TFDP2: variants seen among roughly 807,000 people sequenced by gnomAD.
TFDP2 encodes the protein transcription factor Dp-2 (E2F dimerization partner 2).
TFDP2 carries 17 observed loss-of-function variants against 59.3 expected under a neutral mutation model. The observed-to-expected ratio is 0.29, with a 90% CI of 0.20 to 0.43. TFDP2 has a LOEUF of 0.43. Ranked by LOEUF, TFDP2 falls within the 20% of genes least tolerant of loss-of-function variation. TFDP2 has a pLI of 1.00. For synonymous variants in TFDP2, 180 were observed against 194.7 expected, an observed-to-expected ratio of 0.92 and a Z score of 0.63; for missense variants, 391 against 528.8, an observed-to-expected ratio of 0.74 and a Z score of 2.56.
At chr3:142,066,192 G>A (rs1298870959) in intron 3 of TFDP2, among the ~76,000 whole-genome samples, 1 of 152,148 alleles carries the variant, frequency 6.6e-6, no homozygotes, top group Non-Finnish European at 1.5e-5. Context: ...TGCTCCTAAT[G>A]CTTTGCCCAC....
At chr3:142,111,380 A>C (rs901475900) in intron 1 of TFDP2, among the ~76,000 whole-genome samples, 1 of 147,528 alleles carries the variant, frequency 6.8e-6, no homozygotes, top group African/African-American at 2.5e-5. Flanking sequence ...GTTAGCTGAG[A>C]TCGTGCCACT....
chr3:142,026,960 G>A (rs974561933), intron 3 of TFDP2, among the ~76,000 whole-genome samples: 6 of 152,122 alleles, frequency 3.9e-5, no homozygotes, highest in African/African-American at 1.4e-4. Context: ...AAAGGTCTTA[G>A]GAATAAGCCT....
chr3:142,136,122 G>A (rs575485525), intron 1 of TFDP2, among the ~76,000 whole-genome samples: 214 of 152,162 alleles, frequency 1.4e-3, no homozygotes, highest in Admixed American at 5.2e-3. Context: ...GTATCTCATT[G>A]TGGTTTTGAT....
chr3:141,981,327 T>TTGG (rs1406754971), intron 6 of TFDP2, among the ~76,000 whole-genome samples: 1 of 152,164 alleles, frequency 6.6e-6, no homozygotes, highest in Non-Finnish European at 1.5e-5. Context: ...CACCCTGGGT[T>TTGG]TGGGTAAGTA....
At chr3:142,069,934 C>G (rs1197196441) in intron 3 of TFDP2, among the ~76,000 whole-genome samples, 1 of 151,310 alleles carries the variant, frequency 6.6e-6, no homozygotes, top group Non-Finnish European at 1.5e-5. Flanking sequence ...GAGATGGAGT[C>G]TTGCTCTGTT....
intron 3 of TFDP2, among the ~76,000 whole-genome samples, chr3:142,049,584 T>C (rs182739807): frequency 0.057 from 8,639 of 152,290 alleles, 303 homozygotes; most frequent in Middle Eastern, 0.11. Context: ...ACCTTTACTA[T>C]TCTGACAATG....
intron 3 of TFDP2, among the ~76,000 whole-genome samples, chr3:142,017,141 T>G (rs1443598926): frequency 2.0e-5 from 3 of 152,244 alleles, no homozygotes; most frequent in African/African-American, 7.2e-5. Context: ...CAGCACTTCC[T>G]AATTTACTAT....
chr3:142,048,865 C>T (rs1947474474), intron 3 of TFDP2, among the ~76,000 whole-genome samples: 1 of 152,136 alleles, frequency 6.6e-6, no homozygotes, highest in African/African-American at 2.4e-5. Flanking sequence ...TGTGCCCAGC[C>T]CGAAAGACGT....
At chr3:142,001,229 G>C (rs75489682) in intron 4 of TFDP2, among the ~76,000 whole-genome samples, 8,298 of 152,246 alleles carry the variant, frequency 0.055, 279 homozygotes, top group Middle Eastern at 0.1. Context: ...GCACCCACTG[G>C]AGATGGCATC....
chr3:142,018,199 C>T (rs1431666820), intron 3 of TFDP2, among the ~76,000 whole-genome samples: 2 of 152,144 alleles, frequency 1.3e-5, no homozygotes, highest in Admixed American at 6.5e-5. Context: ...CCACCTTGGC[C>T]TCCCAAAGTG....
At chr3:142,001,100 A>G (rs951130030) in intron 4 of TFDP2, among the ~76,000 whole-genome samples, 13 of 152,168 alleles carry the variant, frequency 8.5e-5, no homozygotes, top group Admixed American at 7.2e-4. Context: ...TGCCCTGGTG[A>G]GGGTTCCCAA....
Position 141,994,911 on chromosome 3 carries a change from ATT to A in TFDP2, c.308+107_308+108del, listed in dbSNP as rs1027461043. 77 of 936,046 alleles carry A rather than the reference ATT, an allele frequency of 8.2e-5. No individual in the cohort carries two copies. In the African/African-American group the frequency reaches 1.1e-3, roughly 13 times the overall value. 58.0% of individuals were successfully genotyped at this position (936,046 alleles called of 1,614,324 possible). ...AAATAGGTGATTTTAAAGGAAAAAC[ATT>A]TGTTTTTAAGAACTAAACTAAAACA... On this transcript the variant is annotated intron_variant, in intron 5 of 12. Coordinates refer to ENST00000489671, the MANE Select transcript of TFDP2 (RefSeq NM_001178139.2).
At chr3:142,017,583 C>T (rs967370790) in intron 3 of TFDP2, among the ~76,000 whole-genome samples, 2 of 134,562 alleles carry the variant, frequency 1.5e-5, no homozygotes, top group African/African-American at 2.7e-5. Flanking sequence ...GATGGAGTCT[C>T]GCTCTGTCGC....
intron 3 of TFDP2, among the ~76,000 whole-genome samples, chr3:142,006,469 A>ATCT: frequency 7.3e-6 from 1 of 137,626 alleles, no homozygotes; most frequent in South Asian, 2.4e-4. Flanking sequence ...TTCCCTTACT[A>ATCT]TTTTTTTTTT....
rs1576819647 is a variant in TFDP2, at chr3:142,043,916, A to C, written c.83-38372T>G. ...CTTCTAAGCAGCCGGCGCAGAATCCACATGACCTTCTCTGGCATTCGCGCA... is the reference window on the plus strand; with the variant it reads ...CTTCTAAGCAGCCGGCGCAGAATCCCCATGACCTTCTCTGGCATTCGCGCA... On this transcript the variant is annotated intron_variant, in intron 3 of 12. Transcript: ENST00000489671. The C allele has an allele frequency of 1.0e-5, 9 of 885,876 alleles. No homozygotes were observed. The Admixed American group carries it at 1.5e-4, about 15-fold the overall frequency. 54.9% of individuals were successfully genotyped at this position (885,876 alleles called of 1,614,324 possible). A position where few individuals can be genotyped will look rare whatever the true frequency, so the allele number is the denominator to read the frequency against.
rs532284475 is a variant in TFDP2 at position 141,973,095 on chromosome 3, A to G, written c.663+953T>C. ...TTAATTATCTCCCAAAGCTATGTGTATATATATATATATATATATATATAT... is the reference window on the plus strand; with the variant it reads ...TTAATTATCTCCCAAAGCTATGTGTGTATATATATATATATATATATATAT... On this transcript the variant is annotated intron_variant, in intron 8 of 12. Coordinates refer to ENST00000489671, the MANE Select transcript of TFDP2 (RefSeq NM_001178139.2). Among the ~76,000 whole-genome samples, 306 of 60,220 alleles carry G rather than the reference A, an allele frequency of 5.1e-3. 1 individual carries two copies. Among genetic ancestry groups the G allele is most frequent in the South Asian group, 0.025 (55 of 2,172 alleles). 39.5% of individuals were successfully genotyped at this position (60,220 alleles called of 152,430 possible).
At chr3:142,118,799 G>C (rs956891530) in intron 1 of TFDP2, among the ~76,000 whole-genome samples, 4 of 152,190 alleles carry the variant, frequency 2.6e-5, no homozygotes, top group Admixed American at 2.0e-4. Flanking sequence ...AGGCAAAGGA[G>C]GTTGAACATT....
At chr3:141,974,216 T>C in intron 7 of TFDP2, 25 bp from the exon 8 acceptor site, 2 of 1,580,006 alleles carry the variant, frequency 1.3e-6, no homozygotes, top group Non-Finnish European at 1.7e-6. Context: ...TTTCACTGAG[T>C]GATAAATCTT....
intron 9 of TFDP2, among the ~76,000 whole-genome samples, chr3:141,968,435 T>TC (rs1193895413): frequency 0.092 from 7,995 of 87,168 alleles, 887 homozygotes; most frequent in East Asian, 0.13. Context: ...CATATATAGA[T>TC]ATATATAACA....
Sources: allele counts gnomAD v4.1 joint callset (sites outside exome capture counted in the v4.1 genomes callset), GRCh38; gene constraint gnomAD v4.1.1; transcripts MANE v1.5; gene names NCBI Gene and HGNC (gene_info 2026-07-23, HGNC 2026-07-21).